TOX3: variants seen among roughly 807,000 people sequenced by gnomAD.
TOX3 encodes TOX high mobility group box family member 3.
Under a neutral mutation model 64.3 loss-of-function variants are expected in TOX3, and 22 were observed. That is an observed-to-expected ratio of 0.34 (90% CI 0.24 to 0.49). The LOEUF (loss-of-function observed/expected upper bound fraction) is 0.49, where lower values mean the gene tolerates loss of function less well. TOX3 is among the 20% of genes least tolerant of loss of function. The pLI is 0.99. For missense variants in TOX3, 661 were observed against 714.4 expected (o/e 0.93, Z 0.85); for synonymous variants, 291 against 273.6 (o/e 1.06, Z -0.63).
intron 1 of TOX3, among the ~76,000 whole-genome samples, chr16:52,536,413 CAG>C (rs1364287299): frequency 6.7e-6 from 1 of 150,082 alleles, no homozygotes; most frequent in Non-Finnish European, 1.5e-5. Flanking sequence ...GGGCTCTAGA[CAG>C]AGAGAATATC....
chr16:52,508,717 T>G (rs112763228), intron 1 of TOX3, among the ~76,000 whole-genome samples: 3,651 of 150,396 alleles, frequency 0.024, 154 homozygotes, highest in African/African-American at 0.084. Flanking sequence ...AGGGAGGGAG[T>G]TGCAACTGAG....
intron 1 of TOX3, among the ~76,000 whole-genome samples, chr16:52,492,076 G>A (rs1277460906): frequency 1.3e-5 from 2 of 151,904 alleles, no homozygotes; most frequent in African/African-American, 4.8e-5. Flanking sequence ...CTCTTCAGTT[G>A]TTCCTGTCTT....
At chr16:52,503,189 G>T (rs1962052312) in intron 1 of TOX3, among the ~76,000 whole-genome samples, 1 of 152,146 alleles carries the variant, frequency 6.6e-6, no homozygotes, top group South Asian at 2.1e-4. Context: ...TTATGAAAGT[G>T]ATTTGGGAAG....
intron 5 of TOX3, 143 bp from the exon 6 acceptor site, chr16:52,444,499 G>GCACA (rs200173557): frequency 0.14 from 52,538 of 376,620 alleles, 2,319 homozygotes; most frequent in African/African-American, 0.24. Flanking sequence ...GTTAGCGCAT[G>GCACA]CACACACACA....
chr16:52,457,680 A>T (rs1050800270), intron 3 of TOX3, among the ~76,000 whole-genome samples: 2 of 152,214 alleles, frequency 1.3e-5, no homozygotes, highest in African/African-American at 2.4e-5. Context: ...TAGCAATGTT[A>T]AAATTTTATT....
intron 1 of TOX3, among the ~76,000 whole-genome samples, chr16:52,532,461 C>T (rs887415089): frequency 3.9e-5 from 6 of 152,208 alleles, no homozygotes; most frequent in Admixed American, 1.3e-4. Context: ...TGAGGGACCC[C>T]GGTGGACAGC....
chr16:52,445,971 G>A, intron 5 of TOX3, 23 bp downstream of exon 5: 1 of 1,600,394 alleles, frequency 6.2e-7, no homozygotes, highest in Middle Eastern at 1.7e-4. Flanking sequence ...TATTGATGGA[G>A]CCTTGATGGG....
chr16:52,517,249 T>C (rs1305142529), intron 1 of TOX3, among the ~76,000 whole-genome samples: 1 of 152,184 alleles, frequency 6.6e-6, no homozygotes, highest in Non-Finnish European at 1.5e-5. Flanking sequence ...TTCCTCTAGA[T>C]ACCACCACTC....
chr16:52,471,175 TTATC>T (rs1961036289), intron 1 of TOX3, among the ~76,000 whole-genome samples: 1 of 152,186 alleles, frequency 6.6e-6, no homozygotes, highest in Non-Finnish European at 1.5e-5. Flanking sequence ...TATTCTTTAT[TTATC>T]TGAGATTCAA....
At chr16:52,451,270 C>A (rs1207668518) in intron 3 of TOX3, among the ~76,000 whole-genome samples, 2 of 152,094 alleles carry the variant, frequency 1.3e-5, no homozygotes, top group African/African-American at 4.8e-5. Context: ...ACTTTGTTTT[C>A]TTTTGTTCAA....
intron 1 of TOX3, among the ~76,000 whole-genome samples, chr16:52,508,169 A>T (rs544666989): frequency 6.6e-6 from 1 of 152,344 alleles, no homozygotes; most frequent in African/African-American, 2.4e-5. Context: ...ATATCTGAAG[A>T]CATTATTATG....
rs924973595 is a variant in TOX3, at chr16:52,438,976, T to C, written c.*249A>G. The C allele has an allele frequency of 1.5e-6, 1 of 664,328 alleles. No homozygotes were observed. The highest frequency in any genetic ancestry group is 2.8e-6 in the Non-Finnish European group (1 of 357,408). The allele number at this position is 664,328 out of a possible 1,614,324, so 41.2% of individuals were successfully genotyped here. On this transcript the variant is annotated 3_prime_UTR_variant, in exon 7 of 7. Coordinates refer to ENST00000219746, the MANE Select transcript of TOX3 (RefSeq NM_001080430.4). Reference sequence around the variant, plus strand: ...ATATTGTAGGTATAGCCTGAATAAATAAAAAAGGCATCACATAAAAGAGCA... The same window carrying C: ...ATATTGTAGGTATAGCCTGAATAAACAAAAAAGGCATCACATAAAAGAGCA...
At chr16:52,480,401 G>A (rs1321758861) in intron 1 of TOX3, among the ~76,000 whole-genome samples, 1 of 152,164 alleles carries the variant, frequency 6.6e-6, no homozygotes, top group African/African-American at 2.4e-5. Flanking sequence ...GCAATCCAAT[G>A]AAGGACCTTA....
At chr16:52,476,994 A>T (rs919377057) in intron 1 of TOX3, among the ~76,000 whole-genome samples, 5 of 152,166 alleles carry the variant, frequency 3.3e-5, no homozygotes, top group African/African-American at 1.2e-4. Context: ...TTTATTTTAG[A>T]TTCAGGGAGT....
chr16:52,473,675 G>A (rs1961116342), intron 1 of TOX3, among the ~76,000 whole-genome samples: 2 of 152,188 alleles, frequency 1.3e-5, no homozygotes, highest in Non-Finnish European at 2.9e-5. Context: ...GTGAAAACAA[G>A]CCAATATGGC....
rs1251055814 is a variant in TOX3 at position 52,439,231 on chromosome 16, A to T, written c.1725T>A (p.Ile575=). The T allele has an allele frequency of 1.9e-6, 3 of 1,613,902 alleles. No individual in the cohort carries two copies. The highest frequency in any genetic ancestry group is 2.5e-6 in the Non-Finnish European group (3 of 1,179,848). The change falls in exon 7 of 7, where the codon ATT becomes ATA. Residue 575 remains isoleucine (I), a synonymous_variant. Coordinates refer to ENST00000219746, the MANE Select transcript of TOX3 (RefSeq NM_001080430.4). ...CCGTCTGCCATATGCGTCTTCAGAA[A>T]ATACTGACCTGCGATAATACTTGAG... is the stretch of plus-strand genomic sequence containing the variant. The part of the protein sequence containing the change: ...TQTQVLSQVS[I]F
At chr16:52,477,522 T>C (rs549821003) in intron 1 of TOX3, among the ~76,000 whole-genome samples, 1 of 152,156 alleles carries the variant, frequency 6.6e-6, no homozygotes, top group South Asian at 2.1e-4. Flanking sequence ...GAGGCAACAG[T>C]AGGGAGAACA....
intron 1 of TOX3, among the ~76,000 whole-genome samples, chr16:52,485,339 A>T (rs1406129898): frequency 6.6e-6 from 1 of 151,312 alleles, no homozygotes; most frequent in African/African-American, 2.4e-5. Context: ...GCAGCAACAT[A>T]GATAGAGCTG....
At chr16:52,452,053 G>A (rs1401443756) in intron 3 of TOX3, among the ~76,000 whole-genome samples, 5 of 152,024 alleles carry the variant, frequency 3.3e-5, no homozygotes, top group South Asian at 2.1e-4. Flanking sequence ...TGCCCCAGGC[G>A]GGGCAAAACC....
Sources: allele counts gnomAD v4.1 joint callset (sites outside exome capture counted in the v4.1 genomes callset), GRCh38; gene constraint gnomAD v4.1.1; transcripts MANE v1.5; gene names NCBI Gene and HGNC (gene_info 2026-07-23, HGNC 2026-07-21).